The following PRUNE2 variants were observed in gnomAD, a reference collection of about 807,000 sequenced individuals.
PRUNE2 encodes prune homolog 2 with BCH domain, also known as protein prune homolog 2.
In PRUNE2, 164 loss-of-function variants were observed where a neutral mutation model predicts 252.0. That is an observed-to-expected ratio of 0.65 (90% confidence interval 0.57 to 0.74). PRUNE2 has a LOEUF of 0.74. PRUNE2 is among the 30% of genes least tolerant of loss of function. The pLI, the probability that PRUNE2 is intolerant of heterozygous loss-of-function variation, is 0.00. For synonymous variants in PRUNE2, 1,292 were observed against 1,350.2 expected (o/e 0.96, Z 0.94); for missense variants, 3,495 against 3,711.0 (o/e 0.94, Z 1.51).
At chr9:76,735,888 G>A (rs893016883) in intron 6 of PRUNE2, among the ~76,000 whole-genome samples, 2 of 152,146 alleles carry the variant, frequency 1.3e-5, no homozygotes, top group Non-Finnish European at 2.9e-5. Flanking sequence ...ATTTGATGCT[G>A]GAGCAGGAAC....
intron 11 of PRUNE2, among the ~76,000 whole-genome samples, chr9:76,647,743 T>C (rs1456477410): frequency 6.6e-6 from 1 of 152,112 alleles, no homozygotes; most frequent in Non-Finnish European, 1.5e-5. Context: ...GGTGGGTGGA[T>C]CACGAGGTCA....
chr9:76,878,576 G>T lies in PRUNE2; in HGVS notation c.37-24368C>A, dbSNP rs1389113407. On this transcript the variant is annotated intron_variant, in intron 1 of 18. Coordinates refer to ENST00000376718, the MANE Select transcript of PRUNE2 (RefSeq NM_015225.3). The stretch of plus-strand genomic sequence containing the variant: ...TTAGAGTTCAGTAAAGATTTCTGAG[G>T]AGGGGTAAGAATATTACGTAGTCTT... Among the ~76,000 whole-genome samples the T allele has an allele frequency of 2.0e-5, 3 of 152,230 alleles. No individual in the cohort carries two copies. The East Asian group carries it at 5.8e-4, about 29-fold the overall frequency.
At chr9:76,723,552 G>A (rs187810359) in intron 6 of PRUNE2, among the ~76,000 whole-genome samples, 8 of 152,232 alleles carry the variant, frequency 5.3e-5, no homozygotes, top group Non-Finnish European at 1.0e-4. Flanking sequence ...CCATAAAAGC[G>A]AAGTCCTCTC....
chr9:76,869,637 T>C (rs918023164), intron 1 of PRUNE2, among the ~76,000 whole-genome samples: 1 of 152,226 alleles, frequency 6.6e-6, no homozygotes, highest in African/African-American at 2.4e-5. Flanking sequence ...AATGCACGCA[T>C]ATATAAATTC....
chr9:76,697,711 C>G (rs685011), intron 9 of PRUNE2, among the ~76,000 whole-genome samples: 76,345 of 152,056 alleles, frequency 0.5, 20,746 homozygotes, highest in Middle Eastern at 0.72. Context: ...TCATTGACAA[C>G]CACTGGGCTA....
In PRUNE2 at chr9:76,698,246, C is replaced by T. The variant is rs185581776; in HGVS notation, c.8276+5091G>A. ...ATTTTTAGTACAGACGGGGTTTTGC[C>T]GTGTTGGCTAGGCTGGTCTCAAACT... On this transcript the variant is annotated intron_variant, in intron 9 of 18. Transcript: ENST00000376718. 3.8e-3 allele frequency among the ~76,000 whole-genome samples: 576 copies of T among 151,980 alleles called. 2 individuals carry two copies. The highest frequency in any genetic ancestry group is 0.013 in the African/African-American group (530 of 41,420).
intron 6 of PRUNE2, among the ~76,000 whole-genome samples, chr9:76,776,522 T>C (rs1394225752): frequency 2.9e-5 from 4 of 138,592 alleles, no homozygotes; most frequent in Admixed American, 7.1e-5. Context: ...TTTTTTCTTT[T>C]TTTTTTTTTT....
intron 3 of PRUNE2, among the ~76,000 whole-genome samples, chr9:76,849,385 G>A (rs58251881): frequency 0.018 from 2,665 of 152,246 alleles, 77 homozygotes; most frequent in African/African-American, 0.06. Context: ...CCATCTCTAT[G>A]TATTTTTCCA....
intron 1 of PRUNE2, among the ~76,000 whole-genome samples, chr9:76,857,594 T>C (rs996044616): frequency 6.6e-6 from 1 of 152,124 alleles, no homozygotes; most frequent in African/African-American, 2.4e-5. Context: ...CAGCAAAGGG[T>C]AACCATGCTC....
At chr9:76,686,382 A>T (rs1384643002) in intron 9 of PRUNE2, among the ~76,000 whole-genome samples, 4 of 152,248 alleles carry the variant, frequency 2.6e-5, no homozygotes, top group African/African-American at 9.6e-5. Context: ...ACATAAAAAA[A>T]CTTGGTGAGA....
At chr9:76,873,834 T>A (rs925985362) in intron 1 of PRUNE2, among the ~76,000 whole-genome samples, 3 of 152,192 alleles carry the variant, frequency 2.0e-5, no homozygotes, top group East Asian at 1.9e-4. Context: ...AACCTCATAA[T>A]CACATTTAAA....
At position 76,724,940 on chromosome 9, in the gene PRUNE2, T is replaced by C. The variant is rs567272581; in HGVS notation, c.757-11219A>G. Reference sequence around the variant, plus strand: ...ACACATGTAATGAAACCCCGCTCATTAGCCATGCTCTATTTTTGAAATGGT... The same window carrying C: ...ACACATGTAATGAAACCCCGCTCATCAGCCATGCTCTATTTTTGAAATGGT... On this transcript the variant is annotated intron_variant, in intron 6 of 18. Coordinates refer to ENST00000376718, the MANE Select transcript of PRUNE2 (RefSeq NM_015225.3). Among the ~76,000 whole-genome samples, 6 of 152,292 alleles carry C rather than the reference T, an allele frequency of 3.9e-5. No individual in the cohort carries two copies. In the South Asian group the frequency reaches 1.0e-3, roughly 26 times the overall value.
chr9:76,638,419 T>C (rs1035120615), intron 12 of PRUNE2, 131 bp from the exon 13 acceptor site: 10 of 643,940 alleles, frequency 1.6e-5, no homozygotes, highest in African/African-American at 3.6e-5. Flanking sequence ...GAAATGGGGA[T>C]TATGTTGACT....
At chr9:76,711,569 A>G (rs554225253) in intron 7 of PRUNE2, among the ~76,000 whole-genome samples, 4 of 152,206 alleles carry the variant, frequency 2.6e-5, no homozygotes, top group Non-Finnish European at 5.9e-5. Context: ...TTAATTCAAA[A>G]TCCAGGTGCT....
At position 76,800,130 on chromosome 9, in the gene PRUNE2, C is replaced by T. The variant is rs534821722; in HGVS notation, c.756+23502G>A. Among the ~76,000 whole-genome samples, 20 of 152,132 alleles carry T rather than the reference C, an allele frequency of 1.3e-4. No homozygotes were observed. The East Asian group carries it at 3.7e-3, about 28-fold the overall frequency. On this transcript the variant is annotated intron_variant, in intron 6 of 18. Coordinates refer to ENST00000376718, the MANE Select transcript of PRUNE2 (RefSeq NM_015225.3). The stretch of plus-strand genomic sequence containing the variant: ...GTTTGTTACACATGTATACATGTGC[C>T]ATGTTGGTGTGCTGCACCCATTAAC...
chr9:76,813,512 A>C (rs1285289806), intron 6 of PRUNE2, among the ~76,000 whole-genome samples: 2 of 152,230 alleles, frequency 1.3e-5, no homozygotes, highest in African/African-American at 4.8e-5. Flanking sequence ...CACACAAATA[A>C]GGAAATATTC....
At chr9:76,888,874 G>A (rs556017620) in intron 1 of PRUNE2, among the ~76,000 whole-genome samples, 44 of 151,872 alleles carry the variant, frequency 2.9e-4, no homozygotes, top group Non-Finnish European at 4.7e-4. Context: ...ACGGAGTCGC[G>A]CTCTGTCACA....
intron 4 of PRUNE2, among the ~76,000 whole-genome samples, chr9:76,836,022 A>G (rs1160236730): frequency 6.6e-6 from 1 of 151,996 alleles, no homozygotes; most frequent in Non-Finnish European, 1.5e-5. Flanking sequence ...GTGAAAGGCC[A>G]TTTGGGTAAA....
At position 76,708,596 on chromosome 9, in the gene PRUNE2, A is replaced by G. The variant is rs753905464; in HGVS notation, c.3678T>C (p.Asp1226=). ...ANSIWDSVMR[D]KDMSSFMLPG... ...GTAACATGAATGATGACATGTCTTT[A>G]TCTCTCATGACAGAATCCCAAATAC... The change falls in exon 8 of 19, where the codon GAT becomes GAC. Residue 1226 remains aspartate (D), a synonymous_variant. Coordinates refer to ENST00000376718, the MANE Select transcript of PRUNE2 (RefSeq NM_015225.3). The G allele has an allele frequency of 6.2e-7, 1 of 1,613,950 alleles. No homozygotes were observed. Among genetic ancestry groups the G allele is most frequent in the East Asian group, 2.2e-5 (1 of 44,870 alleles).
Sources: gnomAD v4.1 joint callset for allele counts (sites outside exome capture counted in the v4.1 genomes callset) on GRCh38, gnomAD v4.1.1 for gene constraint, MANE v1.5 for transcripts, NCBI Gene and HGNC (gene_info 2026-07-23, HGNC 2026-07-21) for gene names.